Variants in FHIT observed in about 807,000 individuals in gnomAD.
FHIT encodes the protein bis(5'-adenosyl)-triphosphatase.
Under a neutral mutation model 17.9 loss-of-function variants are expected in FHIT, and 19 were observed. The ratio of observed to expected loss-of-function variants is 1.06; its 90% CI spans 0.74 to 1.56. The LOEUF (loss-of-function observed/expected upper bound fraction) is 1.56, where lower values mean the gene tolerates loss of function less well. Among genes scored for constraint, FHIT ranks in the 40% most tolerant of loss-of-function variants. The probability of loss-of-function intolerance (pLI) is 0.00; values close to 1 mark genes in which losing one functional copy is unlikely to be tolerated. For synonymous variants in FHIT, 81 were observed against 69.7 expected, an observed-to-expected ratio of 1.16 and a Z score of -0.81; for missense variants, 248 against 189.2, an observed-to-expected ratio of 1.31 and a Z score of -1.82.
intron 5 of FHIT, among the ~76,000 whole-genome samples, chr3:60,276,609 A>G (rs1177230491): frequency 6.6e-6 from 1 of 152,202 alleles, no homozygotes; most frequent in Non-Finnish European, 1.5e-5. Context: ...AAAGGCATAT[A>G]TATTAGTCTC....
chr3:60,402,578 A>G (rs1468057249), intron 5 of FHIT, among the ~76,000 whole-genome samples: 1 of 152,314 alleles, frequency 6.6e-6, no homozygotes, highest in African/African-American at 2.4e-5. Flanking sequence ...CACTCTAATC[A>G]TTTAATACCT....
chr3:59,995,036 C>T (rs940193536), intron 7 of FHIT, among the ~76,000 whole-genome samples: 1 of 151,956 alleles, frequency 6.6e-6, no homozygotes, highest in Non-Finnish European at 1.5e-5. Context: ...AAAGAACCAT[C>T]GATCTCCAAC....
chr3:60,816,969 T>C (rs1249358417), intron 4 of FHIT, among the ~76,000 whole-genome samples: 2 of 152,144 alleles, frequency 1.3e-5, no homozygotes, highest in African/African-American at 2.4e-5. Context: ...TTTTTCTTTT[T>C]CTTCCCTCTG....
rs79803763 is a variant in FHIT, at chr3:60,078,395, A to G, written c.104-64243T>C. On this transcript the variant is annotated intron_variant, in intron 5 of 9. Coordinates refer to ENST00000492590, the MANE Select transcript of FHIT (RefSeq NM_002012.4). ...CAATATGCAAAATCTGATTCTAACC[A>G]TGAAGAAATGCCACATCAGACAAAC... is the stretch of plus-strand genomic sequence containing the variant. 2.3e-3 allele frequency among the ~76,000 whole-genome samples: 357 copies of G among 152,270 alleles called. 10 individuals carry two copies. In the East Asian group the frequency reaches 0.06, roughly 26 times the overall value.
intron 3 of FHIT, among the ~76,000 whole-genome samples, chr3:60,839,866 T>A (rs1307475104): frequency 2.0e-5 from 3 of 152,044 alleles, no homozygotes; most frequent in Non-Finnish European, 4.4e-5. Flanking sequence ...CAGAAAAAAA[T>A]AAACAGAAGA....
intron 4 of FHIT, among the ~76,000 whole-genome samples, chr3:60,729,754 TAA>T (rs1444468863): frequency 3.6e-4 from 34 of 93,542 alleles, no homozygotes; most frequent in Middle Eastern, 0.011. Flanking sequence ...AAGAAGATTT[TAA>T]AAATATATAT....
At chr3:61,117,319 T>C (rs1420539002) in intron 2 of FHIT, among the ~76,000 whole-genome samples, 1 of 152,190 alleles carries the variant, frequency 6.6e-6, no homozygotes, top group Admixed American at 6.5e-5. Context: ...GTTTACTCAA[T>C]CAAATGTACC....
intron 5 of FHIT, among the ~76,000 whole-genome samples, chr3:60,189,248 A>G (rs1040014515): frequency 2.0e-5 from 3 of 151,844 alleles, no homozygotes; most frequent in South Asian, 2.1e-4. Flanking sequence ...GGTGGGGGGG[A>G]AAGAGGAGAA....
intron 5 of FHIT, among the ~76,000 whole-genome samples, chr3:60,088,506 T>C (rs1159240577): frequency 1.3e-5 from 2 of 152,180 alleles, no homozygotes; most frequent in African/African-American, 4.8e-5. Flanking sequence ...TCCTACATCA[T>C]CATGTCATGG....
intron 5 of FHIT, among the ~76,000 whole-genome samples, chr3:60,533,295 G>A (rs1559518838): frequency 6.6e-6 from 1 of 152,172 alleles, no homozygotes; most frequent in Non-Finnish European, 1.5e-5. Flanking sequence ...GGCACATCCT[G>A]TCTCTCTATT....
At chr3:59,819,415 T>C (rs915121063) in intron 8 of FHIT, among the ~76,000 whole-genome samples, 1 of 152,224 alleles carries the variant, frequency 6.6e-6, no homozygotes, top group Non-Finnish European at 1.5e-5. Context: ...GTACTTCATA[T>C]TGCTTTGTGG....
intron 8 of FHIT, among the ~76,000 whole-genome samples, chr3:59,894,980 C>T (rs1286385790): frequency 1.3e-5 from 2 of 152,214 alleles, no homozygotes; most frequent in African/African-American, 2.4e-5. Context: ...TGTCATCAGA[C>T]ATCAGGGGCT....
At chr3:60,065,253 T>C (rs1421141190) in intron 5 of FHIT, among the ~76,000 whole-genome samples, 2 of 152,152 alleles carry the variant, frequency 1.3e-5, no homozygotes, top group African/African-American at 4.8e-5. Context: ...GCTAGAATGC[T>C]TAGTACTTAA....
chr3:61,041,678 T>G (rs533914389), intron 3 of FHIT, among the ~76,000 whole-genome samples: 1 of 139,670 alleles, frequency 7.2e-6, no homozygotes, highest in Admixed American at 7.0e-5. Context: ...ATTTAAAAAA[T>G]AAAGCAAAAA....
rs2039429445 is a variant in FHIT at position 60,631,077 on chromosome 3, A to G, written c.-17-94098T>C. ...AAAGAGGAGGCAGATAACTTTGAAGATTTTATTTCACAGGGGACAACAGAT... is the reference window on the plus strand; with the variant it reads ...AAAGAGGAGGCAGATAACTTTGAAGGTTTTATTTCACAGGGGACAACAGAT... On this transcript the variant is annotated intron_variant, in intron 4 of 9. Transcript: ENST00000492590. Among the ~76,000 whole-genome samples the G allele has an allele frequency of 3.3e-5, 5 of 152,076 alleles. No individual in the cohort carries two copies. The South Asian group carries it at 1.0e-3, about 32-fold the overall frequency.
At chr3:59,762,275 A>G (rs1701560467) in intron 8 of FHIT, among the ~76,000 whole-genome samples, 1 of 152,234 alleles carries the variant, frequency 6.6e-6, no homozygotes, top group African/African-American at 2.4e-5. Flanking sequence ...TTCATTTAGT[A>G]GTTTCAGACT....
At chr3:60,765,845 G>A (rs1357471714) in intron 4 of FHIT, among the ~76,000 whole-genome samples, 1 of 152,162 alleles carries the variant, frequency 6.6e-6, no homozygotes, top group Non-Finnish European at 1.5e-5. Context: ...CGATAAGCTG[G>A]CTTGCTGTGT....
chr3:60,541,963 T>C (rs1377775466), intron 4 of FHIT, among the ~76,000 whole-genome samples: 1 of 152,210 alleles, frequency 6.6e-6, no homozygotes, highest in African/African-American at 2.4e-5. Flanking sequence ...TTCCTTTTTG[T>C]CCTCTGTGTT....
chr3:60,803,235 G>A (rs1397983299), intron 4 of FHIT, among the ~76,000 whole-genome samples: 1 of 152,146 alleles, frequency 6.6e-6, no homozygotes, highest in African/African-American at 2.4e-5. Flanking sequence ...AGTGACCAGG[G>A]CCTGGTGTGT....
Sources: gnomAD v4.1 joint callset for allele counts (sites outside exome capture counted in the v4.1 genomes callset) on GRCh38, gnomAD v4.1.1 for gene constraint, MANE v1.5 for transcripts, NCBI Gene and HGNC (gene_info 2026-07-23, HGNC 2026-07-21) for gene names.